Variants in GARRE1 observed in about 807,000 individuals in gnomAD.
The protein encoded by GARRE1 is granule associated Rac and RHOG effector protein 1.
Under a neutral mutation model 103.2 loss-of-function variants are expected in GARRE1, and 49 were observed. The ratio of observed to expected loss-of-function variants is 0.47; its 90% CI spans 0.38 to 0.60. GARRE1 has a LOEUF of 0.60. GARRE1 is among the 20% of genes least tolerant of loss of function. The pLI, the probability that GARRE1 is intolerant of heterozygous loss-of-function variation, is 0.00. For synonymous variants in GARRE1, 505 were observed against 532.8 expected, an observed-to-expected ratio of 0.95 and a Z score of 0.72; for missense variants, 1,199 against 1,370.5, an observed-to-expected ratio of 0.87 and a Z score of 1.98.
At chr19:34,271,220 T>C (rs1332923909) in intron 1 of GARRE1, among the ~76,000 whole-genome samples, 7 of 151,964 alleles carry the variant, frequency 4.6e-5, no homozygotes, top group African/African-American at 1.5e-4. Context: ...TCAGCTAGTG[T>C]TCAGGTATAC....
intron 9 of GARRE1, 44 bp downstream of exon 9, chr19:34,340,036 GT>G: frequency 6.2e-7 from 1 of 1,607,868 alleles, no homozygotes. Context: ...GAGGGACAGT[GT>G]GACTATGCAC....
At chr19:34,315,107 G>A (rs1389831040) in intron 2 of GARRE1, among the ~76,000 whole-genome samples, 2 of 152,130 alleles carry the variant, frequency 1.3e-5, no homozygotes, top group Admixed American at 6.6e-5. Flanking sequence ...TAAAGTGATC[G>A]GAAATAAATG....
intron 2 of GARRE1, among the ~76,000 whole-genome samples, chr19:34,309,585 C>T (rs1182115516): frequency 6.6e-6 from 1 of 152,124 alleles, no homozygotes; most frequent in Non-Finnish European, 1.5e-5. Context: ...AGTGATCCTC[C>T]CACCTCAGCC....
At chr19:34,277,236 A>T (rs1433041066) in intron 1 of GARRE1, among the ~76,000 whole-genome samples, 3 of 152,170 alleles carry the variant, frequency 2.0e-5, no homozygotes, top group Non-Finnish European at 4.4e-5. Context: ...CTCAGTAAGG[A>T]GTTTGATTTT....
At chr19:34,349,183 G>C (rs1051518672) in intron 12 of GARRE1, 30 bp downstream of exon 12, 1 of 1,608,354 alleles carries the variant, frequency 6.2e-7, no homozygotes, top group East Asian at 2.2e-5. Context: ...CCAAGGTGGG[G>C]AGAGAAGGGC....
chr19:34,292,073 G>A (rs1160900595), intron 1 of GARRE1, among the ~76,000 whole-genome samples: 1 of 152,072 alleles, frequency 6.6e-6, no homozygotes, highest in Non-Finnish European at 1.5e-5. Flanking sequence ...TGTTGGCCAG[G>A]CTGGTCTCAA....
Position 34,341,679 on chromosome 19 carries a change from G to C in GARRE1, c.1745G>C (p.Gly582Ala). The change falls in exon 10 of 14, where the codon GGC becomes GCC. Residue 582 changes from glycine (G) to alanine (A), a missense_variant. Transcript: ENST00000299505. ...TCCGAAGAGAAGGCCAAAATGCCTG[G>C]CAATATTGATACAAGGTTACAAAGC... ...GCSEEKAKMP[G>A]NIDTRLQSIL... The C allele has an allele frequency of 6.2e-7, 1 of 1,614,152 alleles. No individual in the cohort carries two copies. The highest frequency in any genetic ancestry group is 1.3e-5 in the African/African-American group (1 of 75,028).
At chr19:34,304,895 T>C (rs933785232) in intron 2 of GARRE1, among the ~76,000 whole-genome samples, 5 of 151,374 alleles carry the variant, frequency 3.3e-5, no homozygotes, top group African/African-American at 9.7e-5. Context: ...AGGTTCACGC[T>C]GTTCTCCTGC....
chr19:34,288,762 T>C lies in GARRE1; in HGVS notation c.-795-10917T>C, dbSNP rs116712325. Among the ~76,000 whole-genome samples the C allele has an allele frequency of 5.0e-3, 764 of 152,344 alleles. 6 individuals carry two copies. Among genetic ancestry groups the C allele is most frequent in the African/African-American group, 0.017 (699 of 41,586 alleles). On this transcript the variant is annotated intron_variant, in intron 1 of 13. Coordinates refer to ENST00000299505, the MANE Select transcript of GARRE1 (RefSeq NM_014686.5). ...TTCTTTTTCTGTGCTAGGGCAACCA[T>C]GGGAGACATAAGTTCTAGTAGTGTC...
At chr19:34,273,453 G>A (rs1568525034) in intron 1 of GARRE1, among the ~76,000 whole-genome samples, 1 of 152,118 alleles carries the variant, frequency 6.6e-6, no homozygotes, top group East Asian at 1.9e-4. Context: ...TACTGCCTCC[G>A]TGGTTGGCAA....
intron 2 of GARRE1, among the ~76,000 whole-genome samples, chr19:34,302,833 C>T (rs537814025): frequency 1.3e-4 from 20 of 151,278 alleles, no homozygotes; most frequent in South Asian, 1.0e-3. Context: ...CAACCTCTGC[C>T]TCCTGGGTTC....
chr19:34,327,352 T>A, intron 3 of GARRE1, 69 bp from the exon 4 acceptor site: 2 of 1,407,798 alleles, frequency 1.4e-6, no homozygotes, highest in Non-Finnish European at 2.0e-6. Context: ...TTGTTGTTGT[T>A]ATTGTTGGTC....
intron 2 of GARRE1, among the ~76,000 whole-genome samples, chr19:34,314,476 T>C (rs1179224923): frequency 6.6e-6 from 1 of 152,222 alleles, no homozygotes; most frequent in Non-Finnish European, 1.5e-5. Flanking sequence ...CCCTGATTTA[T>C]TGATGGTGAG....
At chr19:34,345,792 G>A (rs577857403) in intron 10 of GARRE1, among the ~76,000 whole-genome samples, 13 of 152,150 alleles carry the variant, frequency 8.5e-5, no homozygotes, top group Admixed American at 5.2e-4. Context: ...ACTGCACTCC[G>A]GCTTGGATAA....
intron 12 of GARRE1, among the ~76,000 whole-genome samples, chr19:34,350,635 G>T (rs1050134895): frequency 6.6e-6 from 1 of 152,168 alleles, no homozygotes; most frequent in South Asian, 2.1e-4. Flanking sequence ...AGGCTGGAGT[G>T]CAGTGGCGCG....
At chr19:34,293,248 TG>T (rs1441666637) in intron 1 of GARRE1, among the ~76,000 whole-genome samples, 2 of 152,316 alleles carry the variant, frequency 1.3e-5, no homozygotes, top group East Asian at 3.9e-4. Context: ...TAAATGTTAA[TG>T]ACTAATAACA....
At chr19:34,289,796 G>C (rs1284297909) in intron 1 of GARRE1, among the ~76,000 whole-genome samples, 1 of 152,158 alleles carries the variant, frequency 6.6e-6, no homozygotes, top group Non-Finnish European at 1.5e-5. Context: ...AGCATAGCTT[G>C]ATCTGTCTGC....
At chr19:34,272,023 G>A (rs1343465025) in intron 1 of GARRE1, among the ~76,000 whole-genome samples, 1 of 152,106 alleles carries the variant, frequency 6.6e-6, no homozygotes, top group African/African-American at 2.4e-5. Context: ...ATAATAATAG[G>A]TAACATTTAT....
In GARRE1 at chr19:34,353,163, G is replaced by A; in HGVS notation, c.*208G>A. 3.8e-6 allele frequency: 2 copies of A among 532,484 alleles called. No individual in the cohort carries two copies. The highest frequency in any genetic ancestry group is 6.6e-6 in the Non-Finnish European group (2 of 303,630). 33.0% of individuals were successfully genotyped at this position (532,484 alleles called of 1,614,324 possible). On this transcript the variant is annotated 3_prime_UTR_variant, in exon 14 of 14. Coordinates refer to ENST00000299505, the MANE Select transcript of GARRE1 (RefSeq NM_014686.5). ...GAAACGATGGCATCAGAGCCCTGGA[G>A]AGCCAGCTGGAGACACAGGCGTCTG...
Sources: allele counts gnomAD v4.1 joint callset (sites outside exome capture counted in the v4.1 genomes callset), GRCh38; gene constraint gnomAD v4.1.1; transcripts MANE v1.5; gene names NCBI Gene and HGNC (gene_info 2026-07-23, HGNC 2026-07-21).